GNAI1: variants seen among roughly 807,000 people sequenced by gnomAD.
GNAI1 encodes guanine nucleotide-binding protein G(i) subunit alpha-1.
GNAI1 carries 11 observed loss-of-function variants against 38.9 expected under a neutral mutation model. The ratio of observed to expected loss-of-function variants is 0.28; its 90% CI spans 0.18 to 0.47. The LOEUF is 0.47. GNAI1 is among the 20% of genes least tolerant of loss of function. The pLI, the probability that GNAI1 is intolerant of heterozygous loss-of-function variation, is 0.99. For missense variants in GNAI1, 317 were observed against 436.9 expected (o/e 0.73, Z 2.45); for synonymous variants, 166 against 145.1 (o/e 1.14, Z -1.04).
intron 1 of GNAI1, among the ~76,000 whole-genome samples, chr7:80,143,906 G>A (rs62460731): frequency 8.3e-3 from 412 of 49,776 alleles, no homozygotes; most frequent in Non-Finnish European, 0.018. Flanking sequence ...TAGCAAGGAT[G>A]TGTGTGTGTG....
intron 1 of GNAI1, among the ~76,000 whole-genome samples, chr7:80,138,341 G>GA (rs1787462530): frequency 6.6e-6 from 1 of 152,134 alleles, no homozygotes; most frequent in African/African-American, 2.4e-5. Context: ...ACTGAGCAGT[G>GA]AATTAGGCCT....
At position 80,185,713 on chromosome 7, in the gene GNAI1, G is replaced by A. The variant is rs988775431; in HGVS notation, c.119-3238G>A. ...TGCACATCAGGCAACGATGTGCAGC[G>A]TTACACTCCCAGCCTCCCAGAAGTG... is the stretch of plus-strand genomic sequence containing the variant. On this transcript the variant is annotated intron_variant, in intron 1 of 7. Transcript: ENST00000649796. Among the ~76,000 whole-genome samples, 10 of 152,052 alleles carry A rather than the reference G, an allele frequency of 6.6e-5. No homozygotes were observed. In the East Asian group the frequency reaches 9.7e-4, roughly 15 times the overall value.
At chr7:80,149,319 A>G (rs1787685148) in intron 1 of GNAI1, among the ~76,000 whole-genome samples, 1 of 152,130 alleles carries the variant, frequency 6.6e-6, no homozygotes, top group African/African-American at 2.4e-5. Flanking sequence ...GGAACTGTCA[A>G]ATTTTATGCA....
chr7:80,166,568 A>G (rs181754459), intron 1 of GNAI1, among the ~76,000 whole-genome samples: 45 of 152,310 alleles, frequency 3.0e-4, no homozygotes, highest in African/African-American at 1.1e-3. Flanking sequence ...TTACATACTG[A>G]TATTAATATT....
chr7:80,160,641 C>T (rs1190681707), intron 1 of GNAI1, among the ~76,000 whole-genome samples: 1 of 151,822 alleles, frequency 6.6e-6, no homozygotes, highest in African/African-American at 2.4e-5. Context: ...AGCTGTTTGC[C>T]AGTGTATTAT....
chr7:80,148,882 A>G (rs927693339), intron 1 of GNAI1, among the ~76,000 whole-genome samples: 3 of 152,122 alleles, frequency 2.0e-5, no homozygotes, highest in African/African-American at 7.2e-5. Context: ...CTTGTAATAT[A>G]TTTCCCACAT....
chr7:80,179,716 T>C (rs896653321), intron 1 of GNAI1, among the ~76,000 whole-genome samples: 1 of 152,176 alleles, frequency 6.6e-6, no homozygotes, highest in African/African-American at 2.4e-5. Flanking sequence ...GACAAAAAGT[T>C]ACTTTAATAC....
chr7:80,175,043 A>G (rs1396313180), intron 1 of GNAI1, among the ~76,000 whole-genome samples: 2 of 152,196 alleles, frequency 1.3e-5, no homozygotes, highest in African/African-American at 4.8e-5. Flanking sequence ...ATCATGAGGG[A>G]AAGCAGTTGT....
chr7:80,155,392 A>G (rs976671451), intron 1 of GNAI1, among the ~76,000 whole-genome samples: 5 of 152,210 alleles, frequency 3.3e-5, no homozygotes, highest in Non-Finnish European at 7.4e-5. Flanking sequence ...GTACATATAT[A>G]ATGCCTAACA....
chr7:80,183,254 G>A (rs560473701), intron 1 of GNAI1, among the ~76,000 whole-genome samples: 5 of 152,058 alleles, frequency 3.3e-5, no homozygotes, highest in Admixed American at 2.6e-4. Context: ...AGAATTGAAC[G>A]TTTTATTTTT....
Position 80,204,898 on chromosome 7 carries a change from G to GT in GNAI1, c.590+1067dup, listed in dbSNP as rs556508714. On this transcript the variant is annotated intron_variant, in intron 5 of 7. Coordinates refer to ENST00000649796, the MANE Select transcript of GNAI1 (RefSeq NM_002069.6). ...TTCATAGACATCTAAGACCACTGTA[G>GT]TGTTACTTGATGTTAAAAAAATATT... Among the ~76,000 whole-genome samples, 50 of 147,450 alleles carry GT rather than the reference G, an allele frequency of 3.4e-4. 1 individual carries two copies. In the East Asian group the frequency reaches 9.1e-3, roughly 27 times the overall value.
intron 1 of GNAI1, among the ~76,000 whole-genome samples, chr7:80,160,213 T>G (rs1787900192): frequency 6.6e-6 from 1 of 152,040 alleles, no homozygotes; most frequent in African/African-American, 2.4e-5. Flanking sequence ...GTTTTTTTTT[T>G]TTTTAATGCA....
chr7:80,226,170 T>C lies in GNAI1; in HGVS notation c.*8677T>C, dbSNP rs1789154383. On this transcript the variant is annotated 3_prime_UTR_variant, in exon 8 of 8. Coordinates refer to ENST00000649796, the MANE Select transcript of GNAI1 (RefSeq NM_002069.6). ...AAAATTATGTATCCAATAAAGACATTTAAAAAGTAAATTTATGTCCATATT... is the reference window on the plus strand; with the variant it reads ...AAAATTATGTATCCAATAAAGACATCTAAAAAGTAAATTTATGTCCATATT... Among the ~76,000 whole-genome samples the C allele has an allele frequency of 6.6e-6, 1 of 152,164 alleles. No homozygotes were observed. Among genetic ancestry groups the C allele is most frequent in the South Asian group, 2.1e-4 (1 of 4,830 alleles).
intron 3 of GNAI1, among the ~76,000 whole-genome samples, chr7:80,190,607 T>C (rs1192909883): frequency 6.6e-6 from 1 of 152,132 alleles, no homozygotes; most frequent in African/African-American, 2.4e-5. Flanking sequence ...GCCTTTTTAA[T>C]CTTTGTTTAA....
chr7:80,141,439 G>T (rs144401420), intron 1 of GNAI1, among the ~76,000 whole-genome samples: 1 of 152,266 alleles, frequency 6.6e-6, no homozygotes, highest in African/African-American at 2.4e-5. Flanking sequence ...AATATGGTGG[G>T]TCAGGCATAG....
chr7:80,186,382 T>C (rs2115622061), intron 1 of GNAI1, among the ~76,000 whole-genome samples: 1 of 152,294 alleles, frequency 6.6e-6, no homozygotes, highest in South Asian at 2.1e-4. Flanking sequence ...CCACAAGCCA[T>C]TGACTGGATG....
chr7:80,210,258 T>C (rs1297519036), intron 5 of GNAI1, among the ~76,000 whole-genome samples: 2 of 152,228 alleles, frequency 1.3e-5, no homozygotes, highest in African/African-American at 2.4e-5. Context: ...TTGCTACTAC[T>C]TTGTTCACTA....
chr7:80,209,915 T>G (rs1011839820), intron 5 of GNAI1, among the ~76,000 whole-genome samples: 12 of 152,178 alleles, frequency 7.9e-5, no homozygotes, highest in African/African-American at 2.9e-4. Context: ...TAATGAACAA[T>G]GGTACCAGCT....
intron 4 of GNAI1, among the ~76,000 whole-genome samples, chr7:80,202,582 GATA>G (rs1422032642): frequency 6.6e-6 from 1 of 152,158 alleles, no homozygotes; most frequent in Non-Finnish European, 1.5e-5. Flanking sequence ...TCACCAATGT[GATA>G]ATAAGATTCT....
Sources: gnomAD v4.1 joint callset for allele counts (sites outside exome capture counted in the v4.1 genomes callset) on GRCh38, gnomAD v4.1.1 for gene constraint, MANE v1.5 for transcripts, NCBI Gene and HGNC (gene_info 2026-07-23, HGNC 2026-07-21) for gene names.